Variants in NALF1 observed in about 807,000 individuals in gnomAD.
NALF1 encodes the protein family with sequence similarity 155 member A.
Under a neutral mutation model 48.4 loss-of-function variants are expected in NALF1, and 3 were observed. The observed-to-expected ratio is 0.06, with a 90% CI of 0.03 to 0.16. NALF1 has a LOEUF of 0.16. NALF1 is among the 10% of genes least tolerant of loss of function. The pLI, the probability that NALF1 is intolerant of heterozygous loss-of-function variation, is 1.00. For missense variants in NALF1, 526 were observed against 571.5 expected (o/e 0.92, Z 0.81); for synonymous variants, 262 against 245.7 (o/e 1.07, Z -0.62).
intron 1 of NALF1, among the ~76,000 whole-genome samples, chr13:107,591,840 T>C (rs9514706): frequency 0.53 from 80,309 of 151,808 alleles, 21,935 homozygotes; most frequent in African/African-American, 0.63. Context: ...ACAGTCAACA[T>C]AGACAAAGAA....
chr13:107,383,072 C>T (rs190673389), intron 1 of NALF1, among the ~76,000 whole-genome samples: 5 of 152,240 alleles, frequency 3.3e-5, no homozygotes, highest in Non-Finnish European at 7.3e-5. Context: ...TTAAATACTG[C>T]AAGTTAGTAG....
chr13:107,843,190 T>A (rs977765520), intron 1 of NALF1, among the ~76,000 whole-genome samples: 2 of 152,212 alleles, frequency 1.3e-5, no homozygotes, highest in Non-Finnish European at 2.9e-5. Context: ...CAGATAGTAT[T>A]CTAAGCGTTT....
At chr13:107,726,489 A>G (rs1023623015) in intron 1 of NALF1, among the ~76,000 whole-genome samples, 2 of 152,174 alleles carry the variant, frequency 1.3e-5, no homozygotes, top group Non-Finnish European at 2.9e-5. Context: ...CAAATTCAAC[A>G]TGAAGCTATG....
chr13:107,314,990 T>C (rs1052526531), intron 1 of NALF1, among the ~76,000 whole-genome samples: 2 of 152,156 alleles, frequency 1.3e-5, no homozygotes, highest in Non-Finnish European at 2.9e-5. Context: ...TCAACCCAAA[T>C]ACTCCTAAGG....
chr13:107,841,885 G>A (rs995032655), intron 1 of NALF1, among the ~76,000 whole-genome samples: 8 of 151,800 alleles, frequency 5.3e-5, no homozygotes, highest in African/African-American at 1.9e-4. Context: ...ATCATACGGA[G>A]AAATATGCAT....
chr13:107,655,420 T>C (rs1186486730), intron 1 of NALF1, among the ~76,000 whole-genome samples: 1 of 151,410 alleles, frequency 6.6e-6, no homozygotes, highest in Admixed American at 6.6e-5. Flanking sequence ...CTGCAAAAAA[T>C]AAAATAAAGT....
chr13:107,404,222 G>T (rs961591730), intron 1 of NALF1, among the ~76,000 whole-genome samples: 1 of 151,882 alleles, frequency 6.6e-6, no homozygotes, highest in Admixed American at 6.6e-5. Flanking sequence ...AGATTATTTC[G>T]ATCATTTCAT....
At chr13:107,760,206 G>T (rs910131749) in intron 1 of NALF1, among the ~76,000 whole-genome samples, 2 of 152,140 alleles carry the variant, frequency 1.3e-5, no homozygotes, top group Admixed American at 6.5e-5. Context: ...TTTTCAGAGG[G>T]ATATGTTTGA....
At chr13:107,462,856 A>G (rs1884942077) in intron 1 of NALF1, among the ~76,000 whole-genome samples, 1 of 152,200 alleles carries the variant, frequency 6.6e-6, no homozygotes, top group African/African-American at 2.4e-5. Context: ...GGCTTGCCCT[A>G]TGCACCTTTT....
At chr13:107,179,440 C>G (rs1879015352) in intron 2 of NALF1, among the ~76,000 whole-genome samples, 1 of 151,504 alleles carries the variant, frequency 6.6e-6, no homozygotes, top group Admixed American at 6.6e-5. Flanking sequence ...TGAGTATGAT[C>G]TAGTATTTGT....
chr13:107,303,182 G>T (rs1881870877), intron 1 of NALF1, among the ~76,000 whole-genome samples: 1 of 151,926 alleles, frequency 6.6e-6, no homozygotes, highest in African/African-American at 2.4e-5. Flanking sequence ...GGCCATTTGT[G>T]TATCTTCTTT....
At chr13:107,756,435 C>CTATATATATATATATA (rs148971349) in intron 1 of NALF1, among the ~76,000 whole-genome samples, 2,595 of 140,684 alleles carry the variant, frequency 0.018, 34 homozygotes, top group East Asian at 0.048. Flanking sequence ...AGTTTAATGG[C>CTATATATATATATATA]TATATATATA....
At chr13:107,596,230 T>A (rs1878742848) in intron 1 of NALF1, among the ~76,000 whole-genome samples, 1 of 152,096 alleles carries the variant, frequency 6.6e-6, no homozygotes, top group African/African-American at 2.4e-5. Flanking sequence ...AAAAGGGAAT[T>A]TTCTAGTTCA....
chr13:107,615,038 A>G (rs1298568100), intron 1 of NALF1, among the ~76,000 whole-genome samples: 1 of 151,866 alleles, frequency 6.6e-6, no homozygotes, highest in Admixed American at 6.6e-5. Context: ...CAGCCTCCCA[A>G]AGTGCTGGGA....
intron 1 of NALF1, among the ~76,000 whole-genome samples, chr13:107,259,985 T>C (rs908749371): frequency 5.9e-5 from 9 of 152,334 alleles, no homozygotes; most frequent in South Asian, 2.1e-4. Context: ...TCAATAAAGA[T>C]TTTCTTCATG....
chr13:107,570,617 T>C (rs1877959262), intron 1 of NALF1, among the ~76,000 whole-genome samples: 1 of 150,828 alleles, frequency 6.6e-6, no homozygotes. Flanking sequence ...TTAGGGTACA[T>C]GTGCATAATG....
chr13:107,193,236 T>C (rs913831460), intron 2 of NALF1, among the ~76,000 whole-genome samples: 2 of 152,170 alleles, frequency 1.3e-5, no homozygotes, highest in Non-Finnish European at 2.9e-5. Flanking sequence ...ACAATAAATA[T>C]GACTTTGCAG....
chr13:107,550,346 T>C (rs1023016976), intron 1 of NALF1, among the ~76,000 whole-genome samples: 2 of 152,160 alleles, frequency 1.3e-5, no homozygotes, highest in African/African-American at 4.8e-5. Flanking sequence ...GTTTCACTCA[T>C]TATGAATTCA....
chr13:107,718,131 TG>T lies in NALF1; in HGVS notation c.915+147550del, dbSNP rs202154043. On this transcript the variant is annotated intron_variant, in intron 1 of 2. Transcript: ENST00000375915. Reference sequence around the variant, plus strand: ...GGCGAGAGCCCTGCTGCTGTAAACATGTGTCCTTGATGGCACTGTCTCCCTG... The same window carrying T: ...GGCGAGAGCCCTGCTGCTGTAAACATTGTCCTTGATGGCACTGTCTCCCTG... 8.5e-5 allele frequency among the ~76,000 whole-genome samples: 13 copies of T among 152,334 alleles called. No homozygotes were observed. In the East Asian group the frequency reaches 2.3e-3, roughly 27 times the overall value.
Sources: gnomAD v4.1 joint callset for allele counts (sites outside exome capture counted in the v4.1 genomes callset) on GRCh38, gnomAD v4.1.1 for gene constraint, MANE v1.5 for transcripts, NCBI Gene and HGNC (gene_info 2026-07-23, HGNC 2026-07-21) for gene names.